USH2A: variants seen among roughly 807,000 people sequenced by gnomAD.
USH2A encodes the protein Usher syndrome 2A (autosomal recessive, mild).
Under a neutral mutation model 538.9 loss-of-function variants are expected in USH2A, and 443 were observed. The ratio of observed to expected loss-of-function variants is 0.82; its 90% CI spans 0.76 to 0.89. The LOEUF is 0.89. USH2A is among the 40% of genes least tolerant of loss of function. USH2A has a pLI of 0.00. For synonymous variants in USH2A, 2,413 were observed against 2,273.5 expected, an observed-to-expected ratio of 1.06 and a Z score of -1.75; for missense variants, 6,633 against 6,324.8, an observed-to-expected ratio of 1.05 and a Z score of -1.65.
At chr1:215,721,853 C>T (rs372569487) in intron 61 of USH2A, among the ~76,000 whole-genome samples, 48 of 152,018 alleles carry the variant, frequency 3.2e-4, no homozygotes, top group African/African-American at 8.4e-4. Context: ...CTCTTGAGGC[C>T]GGGAATTTGA....
chr1:215,790,632 T>C (rs911150667), intron 50 of USH2A, among the ~76,000 whole-genome samples: 7 of 152,136 alleles, frequency 4.6e-5, no homozygotes, highest in Admixed American at 2.6e-4. Context: ...TTAGTTAAAC[T>C]ATAGGGACTC....
intron 15 of USH2A, among the ~76,000 whole-genome samples, chr1:216,209,347 C>T (rs1166531626): frequency 6.6e-6 from 1 of 152,202 alleles, no homozygotes; most frequent in Non-Finnish European, 1.5e-5. Flanking sequence ...TGGTGGGTCC[C>T]TCTTAGCAGC....
chr1:215,787,674 A>G (rs1338936657), intron 51 of USH2A, among the ~76,000 whole-genome samples: 2 of 152,138 alleles, frequency 1.3e-5, no homozygotes, highest in Admixed American at 6.6e-5. Context: ...ATTAAAATTG[A>G]TCTCCATTCA....
At chr1:215,785,898 T>G (rs1661784252) in intron 52 of USH2A, among the ~76,000 whole-genome samples, 1 of 151,012 alleles carries the variant, frequency 6.6e-6, no homozygotes, top group Non-Finnish European at 1.5e-5. Context: ...TTATGTCACT[T>G]AAATGGATTC....
chr1:216,138,427 C>A (rs535069205), intron 21 of USH2A, among the ~76,000 whole-genome samples: 1 of 152,192 alleles, frequency 6.6e-6, no homozygotes, highest in African/African-American at 2.4e-5. Context: ...GTAGTCCGTG[C>A]AGCTATTGCT....
intron 3 of USH2A, among the ~76,000 whole-genome samples, chr1:216,396,186 C>CA (rs905025543): frequency 3.0e-4 from 46 of 151,022 alleles, no homozygotes; most frequent in African/African-American, 7.3e-4. Context: ...AGTCTGAGTA[C>CA]AAAAAAAAAT....
At chr1:216,259,510 A>G (rs933912592) in intron 11 of USH2A, among the ~76,000 whole-genome samples, 2 of 152,108 alleles carry the variant, frequency 1.3e-5, no homozygotes, top group Non-Finnish European at 2.9e-5. Flanking sequence ...GTTCCCAGGA[A>G]GACAAAACTA....
At chr1:215,973,188 C>A (rs1667536095) in intron 35 of USH2A, among the ~76,000 whole-genome samples, 1 of 152,124 alleles carries the variant, frequency 6.6e-6, no homozygotes, top group Admixed American at 6.6e-5. Flanking sequence ...GTACCTAAAT[C>A]AATAGTTCCC....
intron 44 of USH2A, among the ~76,000 whole-genome samples, chr1:215,851,091 C>T (rs1159593742): frequency 6.6e-6 from 1 of 152,016 alleles, no homozygotes; most frequent in Non-Finnish European, 1.5e-5. Context: ...ATCAAAAACT[C>T]AGAAAGACCA....
intron 32 of USH2A, among the ~76,000 whole-genome samples, chr1:216,019,852 T>C: frequency 6.6e-6 from 1 of 152,260 alleles, no homozygotes; most frequent in Non-Finnish European, 1.5e-5. Context: ...TAAGGTTAGG[T>C]TGTAAATAAA....
At chr1:215,889,588 T>C (rs888411701) in intron 40 of USH2A, among the ~76,000 whole-genome samples, 1 of 152,182 alleles carries the variant, frequency 6.6e-6, no homozygotes, top group Non-Finnish European at 1.5e-5. Context: ...CCTGTTAATA[T>C]TATAGGCGAT....
At chr1:215,893,691 T>C (rs1055693231) in intron 40 of USH2A, among the ~76,000 whole-genome samples, 4 of 152,186 alleles carry the variant, frequency 2.6e-5, no homozygotes, top group Admixed American at 2.6e-4. Flanking sequence ...AGTCTTCAGC[T>C]GTAAGAAACA....
intron 21 of USH2A, among the ~76,000 whole-genome samples, chr1:216,131,214 T>G (rs2033369432): frequency 1.3e-5 from 2 of 152,188 alleles, no homozygotes; most frequent in South Asian, 4.2e-4. Context: ...TATTAGTCCT[T>G]TGTCAGATGG....
intron 69 of USH2A, among the ~76,000 whole-genome samples, chr1:215,637,314 T>C (rs537139007): frequency 1.4e-4 from 22 of 152,270 alleles, no homozygotes; most frequent in African/African-American, 5.1e-4. Flanking sequence ...AAAGAGCAGA[T>C]TCTGAGCCTC....
intron 41 of USH2A, among the ~76,000 whole-genome samples, chr1:215,880,507 G>A (rs868239059): frequency 6.6e-6 from 1 of 152,144 alleles, no homozygotes; most frequent in Non-Finnish European, 1.5e-5. Context: ...TTTTAGATGT[G>A]TTCCTTATAA....
At chr1:216,402,678 A>G (rs1175159480) in intron 3 of USH2A, among the ~76,000 whole-genome samples, 1 of 152,174 alleles carries the variant, frequency 6.6e-6, no homozygotes, top group Non-Finnish European at 1.5e-5. Flanking sequence ...CATGCAAAAT[A>G]TGTGTTAATG....
intron 21 of USH2A, among the ~76,000 whole-genome samples, chr1:216,122,773 A>T (rs4971265): frequency 0.35 from 53,492 of 152,030 alleles, 10,349 homozygotes; most frequent in East Asian, 0.73. Context: ...GAATGAGCCT[A>T]AAGGTAGAGA....
intron 3 of USH2A, among the ~76,000 whole-genome samples, chr1:216,375,032 G>A (rs2038792496): frequency 6.6e-6 from 1 of 152,026 alleles, no homozygotes; most frequent in South Asian, 2.1e-4. Context: ...TGGATATATA[G>A]GGAATATGAA....
At chr1:215,632,660 A>G (rs1285967601) in intron 70 of USH2A, among the ~76,000 whole-genome samples, 1 of 152,076 alleles carries the variant, frequency 6.6e-6, no homozygotes, top group African/African-American at 2.4e-5. Flanking sequence ...TCACCACTCC[A>G]TGCACTCCAT....
Sources: gnomAD v4.1 joint callset for allele counts (sites outside exome capture counted in the v4.1 genomes callset) on GRCh38, gnomAD v4.1.1 for gene constraint, MANE v1.5 for transcripts, NCBI Gene and HGNC (gene_info 2026-07-23, HGNC 2026-07-21) for gene names.